WWC1: variants seen among roughly 807,000 people sequenced by gnomAD.
WWC1 encodes the protein protein KIBRA.
In WWC1, 55 loss-of-function variants were observed where a neutral mutation model predicts 138.4. That is an observed-to-expected ratio of 0.40 (90% CI 0.32 to 0.50). The LOEUF is 0.50. WWC1 is among the 20% of genes least tolerant of loss of function. The pLI, the probability that WWC1 is intolerant of heterozygous loss-of-function variation, is 0.72. For missense variants in WWC1, 1,226 were observed against 1,420.4 expected, an observed-to-expected ratio of 0.86 and a Z score of 2.20; for synonymous variants, 524 against 564.9, an observed-to-expected ratio of 0.93 and a Z score of 1.03.
intron 3 of WWC1, 101 bp downstream of exon 3, chr5:168,385,515 C>G: frequency 4.9e-6 from 6 of 1,224,206 alleles, no homozygotes; most frequent in Non-Finnish European, 6.8e-6. Context: ...TTTCTCTTCA[C>G]CTCTACTCTT....
At chr5:168,346,187 A>T (rs114282897) in intron 1 of WWC1, among the ~76,000 whole-genome samples, 141 of 152,132 alleles carry the variant, frequency 9.3e-4, no homozygotes, top group African/African-American at 3.2e-3. Context: ...AGGAAGGAGA[A>T]GGGTTTGCTG....
rs141053660 is a variant in WWC1 at position 168,458,460 on chromosome 5, G to C, written c.2824-2190G>C. On this transcript the variant is annotated intron_variant, in intron 19 of 22. Coordinates refer to ENST00000265293, the MANE Select transcript of WWC1 (RefSeq NM_015238.3). ...CCTCTGCTGGGTGCCTCCCTTGTTC[G>C]ATCTTCATCTTCACCTATGTCACTT... is the stretch of plus-strand genomic sequence containing the variant. 1.7e-3 allele frequency among the ~76,000 whole-genome samples: 255 copies of C among 152,156 alleles called. 1 individual carries two copies. The highest frequency in any genetic ancestry group is 5.9e-3 in the African/African-American group (243 of 41,516).
chr5:168,440,899 C>T (rs549623122), intron 15 of WWC1, among the ~76,000 whole-genome samples: 56 of 152,268 alleles, frequency 3.7e-4, no homozygotes, highest in African/African-American at 1.3e-3. Flanking sequence ...AGAAGTAACC[C>T]AAATGTCCAT....
chr5:168,447,801 CTCTG>C (rs1352353089), intron 17 of WWC1, among the ~76,000 whole-genome samples: 1 of 151,810 alleles, frequency 6.6e-6, no homozygotes, highest in African/African-American at 2.4e-5. Flanking sequence ...CTTTCTCTCT[CTCTG>C]TCTGTTTCTC....
chr5:168,457,801 G>T (rs147955550), intron 19 of WWC1, among the ~76,000 whole-genome samples: 15 of 152,366 alleles, frequency 9.8e-5, no homozygotes, highest in African/African-American at 3.4e-4. Context: ...TGGCATGGAA[G>T]CTCTGGTCAC....
At chr5:168,301,344 T>G (rs1391952180) in intron 1 of WWC1, among the ~76,000 whole-genome samples, 2 of 152,120 alleles carry the variant, frequency 1.3e-5, no homozygotes, top group African/African-American at 4.8e-5. Context: ...CACTTTAAAA[T>G]AGTAAGTGGG....
chr5:168,419,609 T>C (rs1157538647), intron 9 of WWC1, among the ~76,000 whole-genome samples: 1 of 152,220 alleles, frequency 6.6e-6, no homozygotes, highest in Admixed American at 6.5e-5. Context: ...CCCAGGAATG[T>C]GCATTTCAAT....
At chr5:168,379,597 G>T (rs959191360) in intron 2 of WWC1, among the ~76,000 whole-genome samples, 4 of 151,840 alleles carry the variant, frequency 2.6e-5, no homozygotes, top group African/African-American at 9.7e-5. Context: ...ATGGGGTTTC[G>T]CCATGTTGGT....
At chr5:168,352,818 A>T (rs1352651822) in intron 1 of WWC1, among the ~76,000 whole-genome samples, 1 of 152,036 alleles carries the variant, frequency 6.6e-6, no homozygotes, top group African/African-American at 2.4e-5. Context: ...TCCTGACCTC[A>T]AGCAATCCAC....
In WWC1 at chr5:168,378,680, G is replaced by GC. The variant is rs1777405212; in HGVS notation, c.230-6530dup. Among the ~76,000 whole-genome samples the GC allele has an allele frequency of 5.9e-5, 9 of 152,280 alleles. No homozygotes were observed. The South Asian group carries it at 1.9e-3, about 32-fold the overall frequency. ...TGAATATTTCCAAAAGATTATATCA[G>GC]CTTGTATTGCCACAAGACATGAGGG... is the stretch of plus-strand genomic sequence containing the variant. On this transcript the variant is annotated intron_variant, in intron 2 of 22. Transcript: ENST00000265293.
intron 3 of WWC1, among the ~76,000 whole-genome samples, chr5:168,393,830 G>A (rs993795194): frequency 1.3e-5 from 2 of 152,182 alleles, no homozygotes; most frequent in African/African-American, 4.8e-5. Context: ...CATTGGTCTG[G>A]ACTCTATGAG....
intron 17 of WWC1, 69 bp downstream of exon 17, chr5:168,444,654 C>G (rs1400847885): frequency 6.5e-7 from 1 of 1,532,092 alleles, no homozygotes; most frequent in Admixed American, 1.7e-5. Context: ...TGAGATCCCC[C>G]AATGCCAGTG....
chr5:168,343,245 A>C (rs1360500508), intron 1 of WWC1, among the ~76,000 whole-genome samples: 2 of 151,758 alleles, frequency 1.3e-5, no homozygotes, highest in African/African-American at 4.9e-5. Context: ...AAGTGCTTTC[A>C]TGTGCCCTGC....
intron 1 of WWC1, among the ~76,000 whole-genome samples, chr5:168,344,418 G>T (rs548845466): frequency 1.3e-5 from 2 of 152,260 alleles, no homozygotes; most frequent in African/African-American, 4.8e-5. Context: ...TTACATTTCA[G>T]GCTCGGTTTT....
chr5:168,469,134 GTTGGT>G lies in WWC1; in HGVS notation c.*121_*125del. 6 of 1,313,630 alleles carry G rather than the reference GTTGGT, an allele frequency of 4.6e-6. No individual in the cohort carries two copies. The highest frequency in any genetic ancestry group is 6.4e-6 in the Non-Finnish European group (6 of 931,542). 81.4% of individuals were successfully genotyped at this position (1,313,630 alleles called of 1,614,324 possible). A position where few individuals can be genotyped will look rare whatever the true frequency, so the allele number is the denominator to read the frequency against. On this transcript the variant is annotated 3_prime_UTR_variant, in exon 23 of 23. Coordinates refer to ENST00000265293, the MANE Select transcript of WWC1 (RefSeq NM_015238.3). ...GAGTCACAAGTCCTCTAGTGCTCTT[GTTGGT>G]TTGAAGATGAACCGACTTTTTAGTT... is the stretch of plus-strand genomic sequence containing the variant.
At chr5:168,389,081 T>C (rs1296472405) in intron 3 of WWC1, among the ~76,000 whole-genome samples, 2 of 152,138 alleles carry the variant, frequency 1.3e-5, no homozygotes, top group Non-Finnish European at 2.9e-5. Context: ...TTTCAAATTT[T>C]CTATAGATAA....
chr5:168,386,505 G>A (rs2152820081), intron 3 of WWC1, among the ~76,000 whole-genome samples: 1 of 151,404 alleles, frequency 6.6e-6, no homozygotes, highest in East Asian at 2.0e-4. Flanking sequence ...CCATTCTCCT[G>A]CCTCAGCCTC....
intron 15 of WWC1, among the ~76,000 whole-genome samples, chr5:168,438,326 C>A (rs1038271335): frequency 6.6e-6 from 1 of 152,118 alleles, no homozygotes; most frequent in African/African-American, 2.4e-5. Flanking sequence ...CCCCATGCTG[C>A]TGTTCTCATG....
At chr5:168,318,372 T>C (rs1430228872) in intron 1 of WWC1, among the ~76,000 whole-genome samples, 1 of 152,212 alleles carries the variant, frequency 6.6e-6, no homozygotes, top group Non-Finnish European at 1.5e-5. Flanking sequence ...CCATTTCCGA[T>C]GTACAGCTCT....
Sources: gnomAD v4.1 joint callset for allele counts (sites outside exome capture counted in the v4.1 genomes callset) on GRCh38, gnomAD v4.1.1 for gene constraint, MANE v1.5 for transcripts, NCBI Gene and HGNC (gene_info 2026-07-23, HGNC 2026-07-21) for gene names.